CFDP1: variants seen among roughly 807,000 people sequenced by gnomAD.
The protein encoded by CFDP1 is chromatin remodeling protein CFDP1.
Under a neutral mutation model 40.1 loss-of-function variants are expected in CFDP1, and 31 were observed. The ratio of observed to expected loss-of-function variants is 0.77; its 90% confidence interval spans 0.58 to 1.04. The LOEUF (loss-of-function observed/expected upper bound fraction) is 1.04, where lower values mean the gene tolerates loss of function less well. Ranked by LOEUF, CFDP1 falls within the 50% of genes least tolerant of loss-of-function variation. The pLI is 0.00. For synonymous variants in CFDP1, 167 were observed against 120.0 expected, an observed-to-expected ratio of 1.39 and a Z score of -2.56; for missense variants, 423 against 343.4, an observed-to-expected ratio of 1.23 and a Z score of -1.83.
At chr16:75,386,227 A>C (rs1355904656) in intron 5 of CFDP1, among the ~76,000 whole-genome samples, 1 of 152,210 alleles carries the variant, frequency 6.6e-6, no homozygotes, top group Admixed American at 6.5e-5. Flanking sequence ...TGAGGCTAAG[A>C]GCAAAGGAAA....
chr16:75,425,105 C>G (rs1397171452), intron 1 of CFDP1, among the ~76,000 whole-genome samples: 4 of 152,014 alleles, frequency 2.6e-5, no homozygotes, highest in Middle Eastern at 3.4e-3. Flanking sequence ...AGACTGTATT[C>G]ATAGACTAAA....
At chr16:75,379,135 GAA>G (rs1434089478) in intron 5 of CFDP1, among the ~76,000 whole-genome samples, 1 of 151,228 alleles carries the variant, frequency 6.6e-6, no homozygotes, top group Admixed American at 6.6e-5. Context: ...GTGTAAAGAG[GAA>G]AAGTCTCAAA....
chr16:75,306,886 C>G (rs1239038543), intron 5 of CFDP1, among the ~76,000 whole-genome samples: 1 of 142,956 alleles, frequency 7.0e-6, no homozygotes, highest in Non-Finnish European at 1.5e-5. Context: ...ATCACACACA[C>G]ACACACACAC....
chr16:75,425,058 G>A (rs574234515), intron 1 of CFDP1, among the ~76,000 whole-genome samples: 1 of 151,304 alleles, frequency 6.6e-6, no homozygotes, highest in Non-Finnish European at 1.5e-5. Context: ...CAAACAATTA[G>A]AAATAAAAAC....
intron 1 of CFDP1, among the ~76,000 whole-genome samples, chr16:75,417,981 C>T (rs367784616): frequency 2.0e-5 from 3 of 152,134 alleles, no homozygotes; most frequent in African/African-American, 7.2e-5. Flanking sequence ...TGGCTGGGAG[C>T]GGTGGCTCAT....
chr16:75,299,945 C>A (rs1398547312), intron 6 of CFDP1, among the ~76,000 whole-genome samples: 2 of 152,004 alleles, frequency 1.3e-5, no homozygotes, highest in African/African-American at 4.8e-5. Context: ...TACACAGAGA[C>A]AGTGAGGCTG....
chr16:75,335,677 C>T (rs1310716457), intron 5 of CFDP1, among the ~76,000 whole-genome samples: 51 of 152,006 alleles, frequency 3.4e-4, no homozygotes, highest in Admixed American at 3.3e-3. Flanking sequence ...CTGCCTCAGC[C>T]TCCCGAGTAG....
chr16:75,296,773 C>T (rs987218888), intron 6 of CFDP1, among the ~76,000 whole-genome samples: 1 of 152,216 alleles, frequency 6.6e-6, no homozygotes, highest in Non-Finnish European at 1.5e-5. Context: ...GCAACCCAGA[C>T]AAAGGCCATC....
chr16:75,358,457 AATAT>A (rs1488709545), intron 5 of CFDP1, among the ~76,000 whole-genome samples: 4 of 138,446 alleles, frequency 2.9e-5, no homozygotes, highest in Non-Finnish European at 4.8e-5. Context: ...AAGTAAAATA[AATAT>A]TTTACATAAA....
chr16:75,428,800 G>A (rs991304591), intron 1 of CFDP1, among the ~76,000 whole-genome samples: 44 of 152,054 alleles, frequency 2.9e-4, no homozygotes, highest in African/African-American at 8.7e-4. Context: ...CTCATACCAA[G>A]ATATATCATG....
At chr16:75,387,014 C>A (rs1427676890) in intron 5 of CFDP1, among the ~76,000 whole-genome samples, 1 of 152,162 alleles carries the variant, frequency 6.6e-6, no homozygotes, top group Admixed American at 6.5e-5. Flanking sequence ...TTACTCTGTA[C>A]CTGCAATACC....
chr16:75,429,928 G>T (rs140777659), intron 1 of CFDP1, among the ~76,000 whole-genome samples: 316 of 152,222 alleles, frequency 2.1e-3, no homozygotes, highest in African/African-American at 7.1e-3. Context: ...CTGAGAGCAC[G>T]CGCCCAAGGT....
chr16:75,304,948 G>A, intron 6 of CFDP1, 76 bp downstream of exon 6: 1 of 1,441,102 alleles, frequency 6.9e-7, no homozygotes, highest in African/African-American at 1.4e-5. Flanking sequence ...CTTACAGTGG[G>A]CAGTTTGTCT....
At position 75,433,396 on chromosome 16, in the gene CFDP1, G is replaced by A. The variant is rs558460923; in HGVS notation, c.-44C>T. ...TGGTCAAACTCACAAGACCGCAGCA[G>A]CCGCCTCCAACGGCAAAGCTCTAGG... On this transcript the variant is annotated 5_prime_UTR_variant, in exon 1 of 7. Coordinates refer to ENST00000283882, the MANE Select transcript of CFDP1 (RefSeq NM_006324.3). 1.9e-6 allele frequency: 3 copies of A among 1,551,956 alleles called. No homozygotes were observed. The highest frequency in any genetic ancestry group is 3.7e-5 in the Admixed American group (2 of 53,386).
At chr16:75,364,056 GA>G in intron 5 of CFDP1, among the ~76,000 whole-genome samples, 1 of 151,734 alleles carries the variant, frequency 6.6e-6, no homozygotes, top group East Asian at 1.9e-4. Context: ...ACCTAATTTA[GA>G]TTGGAGATGT....
intron 4 of CFDP1, among the ~76,000 whole-genome samples, chr16:75,405,869 A>G (rs2079093912): frequency 6.6e-6 from 1 of 151,128 alleles, no homozygotes. Flanking sequence ...CAGTGAGCCA[A>G]GACTGCGCCA....
chr16:75,353,993 T>C (rs1383989258), intron 5 of CFDP1, among the ~76,000 whole-genome samples: 8 of 152,308 alleles, frequency 5.3e-5, no homozygotes, highest in Admixed American at 2.0e-4. Flanking sequence ...TTTGCCTTTA[T>C]CATGGTGTGA....
intron 5 of CFDP1, among the ~76,000 whole-genome samples, chr16:75,369,869 A>T (rs540520886): frequency 1.9e-4 from 28 of 149,986 alleles, no homozygotes; most frequent in African/African-American, 6.6e-4. Context: ...AGCGATTCTC[A>T]TGCCACAGCC....
chr16:75,339,834 T>C (rs2078514359), intron 5 of CFDP1, among the ~76,000 whole-genome samples: 2 of 152,214 alleles, frequency 1.3e-5, no homozygotes, highest in Non-Finnish European at 2.9e-5. Flanking sequence ...AGGTAGAAGC[T>C]GTTCTAGATA....
Sources: gnomAD v4.1 joint callset for allele counts (sites outside exome capture counted in the v4.1 genomes callset) on GRCh38, gnomAD v4.1.1 for gene constraint, MANE v1.5 for transcripts, NCBI Gene and HGNC (gene_info 2026-07-23, HGNC 2026-07-21) for gene names.